The following PTPRN2 variants were observed in gnomAD, a reference collection of about 807,000 sequenced individuals.
PTPRN2 encodes the protein receptor-type tyrosine-protein phosphatase N2.
A neutral mutation model predicts 118.8 loss-of-function variants in PTPRN2; 74 were observed. The observed-to-expected ratio is 0.62, with a 90% CI of 0.52 to 0.76. The LOEUF is 0.76. Among genes scored for constraint, PTPRN2 ranks in the 30% least tolerant of loss-of-function variants. PTPRN2 has a pLI of 0.00. For synonymous variants in PTPRN2, 641 were observed against 608.0 expected (o/e 1.05, Z -0.80); for missense variants, 1,481 against 1,394.4 (o/e 1.06, Z -0.99).
chr7:158,136,755 A>G, intron 7 of PTPRN2, 60 bp from the exon 8 acceptor site: 1 of 1,547,214 alleles, frequency 6.5e-7, no homozygotes, highest in Non-Finnish European at 8.9e-7. Context: ...AGGGTGCCAC[A>G]GACATAAAAA....
chr7:157,860,477 G>T (rs369682683), intron 12 of PTPRN2, among the ~76,000 whole-genome samples: 1 of 152,230 alleles, frequency 6.6e-6, no homozygotes, highest in African/African-American at 2.4e-5. Flanking sequence ...AAGAAATGGC[G>T]GAGTTGGCAG....
chr7:158,275,996 A>G (rs1209905114), intron 3 of PTPRN2, among the ~76,000 whole-genome samples: 1 of 152,174 alleles, frequency 6.6e-6, no homozygotes, highest in East Asian at 1.9e-4. Context: ...GCCGCCTTAC[A>G]CGTGCTATGG....
intron 11 of PTPRN2, among the ~76,000 whole-genome samples, chr7:157,908,048 CACAG>C (rs1175763380): frequency 6.6e-6 from 1 of 152,248 alleles, no homozygotes; most frequent in Non-Finnish European, 1.5e-5. Context: ...TCTCCTCGGA[CACAG>C]CACAGCGCGC....
At chr7:157,574,534 G>T in intron 19 of PTPRN2, 2 of 306,978 alleles carry the variant, frequency 6.5e-6, no homozygotes, top group South Asian at 3.1e-5. Flanking sequence ...GAGAGAGAGA[G>T]AGTTTTTAAA....
rs529224914 is a variant in PTPRN2, at chr7:157,779,784, C to T, written c.1789-96847G>A. Among the ~76,000 whole-genome samples, 199 of 152,258 alleles carry T rather than the reference C, an allele frequency of 1.3e-3. No individual in the cohort carries two copies. Among genetic ancestry groups the T allele is most frequent in the African/African-American group, 4.1e-3 (172 of 41,538 alleles). On this transcript the variant is annotated intron_variant, in intron 12 of 22. Coordinates refer to ENST00000389418, the MANE Select transcript of PTPRN2 (RefSeq NM_002847.5). This position sits in a 1 kb window ranked among gnomAD's most constrained non-coding sequence, Gnocchi z 4.7. The stretch of plus-strand genomic sequence containing the variant: ...TATGGCTGGGTCACCCAGGGCACCC[C>T]GAGGTCATCAGCCTGAGGAAGAGTG...
chr7:157,839,823 C>T (rs996097779), intron 12 of PTPRN2, among the ~76,000 whole-genome samples: 11 of 148,764 alleles, frequency 7.4e-5, no homozygotes, highest in Non-Finnish European at 3.0e-5. Context: ...CCAGGTGTGA[C>T]TGTGTGGCCA....
At chr7:158,321,322 C>A (rs1411878971) in intron 2 of PTPRN2, among the ~76,000 whole-genome samples, 1 of 152,208 alleles carries the variant, frequency 6.6e-6, no homozygotes, top group Non-Finnish European at 1.5e-5. Context: ...CTGCGGGACT[C>A]CTGCCTTCGT....
intron 2 of PTPRN2, among the ~76,000 whole-genome samples, chr7:158,420,111 G>A (rs941857862): frequency 1.3e-5 from 2 of 152,166 alleles, no homozygotes; most frequent in Non-Finnish European, 2.9e-5. Flanking sequence ...GCACAACAGT[G>A]AGTAAAGAAC....
chr7:157,914,571 C>T (rs1350768994), intron 11 of PTPRN2, among the ~76,000 whole-genome samples: 5 of 151,468 alleles, frequency 3.3e-5, no homozygotes, highest in Admixed American at 6.6e-5. Context: ...CAATGGCTTT[C>T]CCAATAAAGT....
chr7:158,155,706 C>A (rs1197020249), intron 6 of PTPRN2, among the ~76,000 whole-genome samples: 1 of 144,814 alleles, frequency 6.9e-6, no homozygotes, highest in Non-Finnish European at 1.5e-5. Flanking sequence ...ACTATCATCA[C>A]CGTCAACACC....
chr7:157,811,767 C>A (rs371168055), intron 12 of PTPRN2, among the ~76,000 whole-genome samples: 1 of 152,128 alleles, frequency 6.6e-6, no homozygotes, highest in East Asian at 1.9e-4. Context: ...CCTCATCTGA[C>A]GAGGTCCAAA....
chr7:157,783,348 C>T (rs933338711), intron 12 of PTPRN2, among the ~76,000 whole-genome samples: 1 of 151,494 alleles, frequency 6.6e-6, no homozygotes, highest in Non-Finnish European at 1.5e-5. Flanking sequence ...ATGGACACTC[C>T]CATGCACAGC....
chr7:157,579,135 T>G (rs543177078), intron 17 of PTPRN2, among the ~76,000 whole-genome samples: 5 of 152,354 alleles, frequency 3.3e-5, no homozygotes, highest in African/African-American at 9.6e-5. Context: ...AATTCCACAT[T>G]TATATTTTAA....
chr7:157,828,416 C>G (rs535692329), intron 12 of PTPRN2, among the ~76,000 whole-genome samples: 6 of 152,202 alleles, frequency 3.9e-5, no homozygotes, highest in Non-Finnish European at 5.9e-5. Context: ...CGCAAGCCCT[C>G]GGCACCCACA....
intron 14 of PTPRN2, among the ~76,000 whole-genome samples, chr7:157,652,097 G>A (rs1334810043): frequency 6.6e-6 from 1 of 152,214 alleles, no homozygotes; most frequent in Non-Finnish European, 1.5e-5. Context: ...AAGAAAACTG[G>A]AATTTTTAAA....
intron 1 of PTPRN2, among the ~76,000 whole-genome samples, chr7:158,547,785 G>A (rs903211387): frequency 3.3e-5 from 5 of 152,216 alleles, no homozygotes; most frequent in Non-Finnish European, 7.3e-5. Flanking sequence ...TGTCCACCTG[G>A]CCTTTGAGGC....
chr7:158,343,829 G>T (rs980627160), intron 2 of PTPRN2, among the ~76,000 whole-genome samples: 3 of 152,198 alleles, frequency 2.0e-5, no homozygotes, highest in Admixed American at 1.3e-4. Flanking sequence ...CGTGGCACGT[G>T]GGCTGTCGCG....
chr7:158,393,781 C>T (rs541529158), intron 2 of PTPRN2, among the ~76,000 whole-genome samples: 2 of 152,174 alleles, frequency 1.3e-5, no homozygotes, highest in Admixed American at 6.5e-5. Flanking sequence ...TCAAGGAAGC[C>T]CACACCGTCT....
chr7:158,071,762 CGTGGTGATGGAGGTGCTT>C (rs1563393361), intron 11 of PTPRN2, among the ~76,000 whole-genome samples: 5 of 80,568 alleles, frequency 6.2e-5, no homozygotes, highest in African/African-American at 2.6e-4. Flanking sequence ...TGGAGGTGCT[CGTGGTGATGGAGGTGCTT>C]GTGGTGGTGG....
Sources: gnomAD v4.1 joint callset for allele counts (sites outside exome capture counted in the v4.1 genomes callset) on GRCh38, gnomAD v4.1.1 for gene constraint, Gnocchi (gnomAD v3.1) non-coding constraint, MANE v1.5 for transcripts, NCBI Gene and HGNC (gene_info 2026-07-23, HGNC 2026-07-21) for gene names.